The following STK39 variants were observed in gnomAD, a reference collection of about 807,000 sequenced individuals.
STK39 encodes the protein serine/threonine kinase 39.
Under a neutral mutation model 77.8 loss-of-function variants are expected in STK39, and 20 were observed. The observed-to-expected ratio is 0.26, with a 90% confidence interval of 0.18 to 0.37. The LOEUF (loss-of-function observed/expected upper bound fraction) is 0.37, where lower values mean the gene tolerates loss of function less well. STK39 is among the 10% of genes least tolerant of loss of function. The pLI, the probability that STK39 is intolerant of heterozygous loss-of-function variation, is 1.00. For missense variants in STK39, 479 were observed against 656.5 expected (o/e 0.73, Z 2.95); for synonymous variants, 246 against 234.1 (o/e 1.05, Z -0.47).
chr2:168,212,303 A>T (rs556462986), intron 1 of STK39, among the ~76,000 whole-genome samples: 89 of 152,298 alleles, frequency 5.8e-4, no homozygotes, highest in African/African-American at 1.8e-3. Flanking sequence ...TGTTCTTGAG[A>T]ATGTTTCCTC....
intron 14 of STK39, among the ~76,000 whole-genome samples, chr2:168,030,276 A>T (rs1684804757): frequency 6.6e-6 from 1 of 152,124 alleles, no homozygotes; most frequent in Non-Finnish European, 1.5e-5. Flanking sequence ...TTGTTGCTTC[A>T]GAATAGGGAA....
chr2:168,006,023 A>T (rs955267858), intron 16 of STK39, among the ~76,000 whole-genome samples: 9 of 152,192 alleles, frequency 5.9e-5, no homozygotes, highest in African/African-American at 1.9e-4. Context: ...GAATGCAGGC[A>T]CCCAGCTCCC....
chr2:168,065,305 G>A lies in STK39; in HGVS notation c.1305+14C>T. ...CAAAGCACCTCAAACGGAATGACTGGCAGAGAAACATACCTGAGAGTCGTG... is the reference window on the plus strand; with the variant it reads ...CAAAGCACCTCAAACGGAATGACTGACAGAGAAACATACCTGAGAGTCGTG... On this transcript the variant is annotated intron_variant, in intron 13 of 17. Transcript: ENST00000355999. The A allele has an allele frequency of 1.2e-6, 2 of 1,613,642 alleles. No individual in the cohort carries two copies. Among genetic ancestry groups the A allele is most frequent in the Non-Finnish European group, 8.5e-7 (1 of 1,179,598 alleles).
chr2:168,154,041 C>T (rs1285327616), intron 5 of STK39, among the ~76,000 whole-genome samples: 2 of 152,140 alleles, frequency 1.3e-5, no homozygotes, highest in African/African-American at 2.4e-5. Context: ...CATAATAATC[C>T]AAACAAGAAC....
chr2:168,121,501 G>A (rs757773259), intron 10 of STK39, among the ~76,000 whole-genome samples: 25 of 152,150 alleles, frequency 1.6e-4, no homozygotes, highest in Non-Finnish European at 1.5e-4. Flanking sequence ...TTGATGGATC[G>A]GAAAAGAAAA....
chr2:168,009,789 G>C (rs560337601), intron 16 of STK39, among the ~76,000 whole-genome samples: 17 of 152,000 alleles, frequency 1.1e-4, no homozygotes, highest in Non-Finnish European at 2.5e-4. Flanking sequence ...CCAAGAAGGG[G>C]AAAAAAGGCA....
intron 5 of STK39, among the ~76,000 whole-genome samples, chr2:168,157,305 G>T (rs1405796410): frequency 2.6e-5 from 4 of 152,214 alleles, no homozygotes; most frequent in African/African-American, 4.8e-5. Context: ...ATGCACATAC[G>T]TGAGGCATTT....
At chr2:168,107,164 C>T (rs1048404807) in intron 10 of STK39, among the ~76,000 whole-genome samples, 1 of 152,166 alleles carries the variant, frequency 6.6e-6, no homozygotes, top group African/African-American at 2.4e-5. Context: ...GCTATTAAAT[C>T]GAAAGTCAGA....
chr2:168,149,624 G>T (rs1417023361), intron 5 of STK39, among the ~76,000 whole-genome samples: 1 of 152,184 alleles, frequency 6.6e-6, no homozygotes, highest in African/African-American at 2.4e-5. Flanking sequence ...CACACTTCCT[G>T]ACTGCTAAGG....
intron 5 of STK39, among the ~76,000 whole-genome samples, chr2:168,146,510 GCAATAGGAGCCC>G (rs1688144787): frequency 2.6e-5 from 4 of 152,196 alleles, no homozygotes; most frequent in Admixed American, 2.0e-4. Context: ...GGAGTCTGGA[GCAATAGGAGCCC>G]CCATAGCTTC....
At chr2:168,160,341 A>G (rs1688536850) in intron 5 of STK39, among the ~76,000 whole-genome samples, 1 of 152,226 alleles carries the variant, frequency 6.6e-6, no homozygotes, top group African/African-American at 2.4e-5. Context: ...CCTTTTGATA[A>G]GTCATAAACT....
intron 14 of STK39, among the ~76,000 whole-genome samples, chr2:168,041,019 G>A (rs1445995365): frequency 1.3e-5 from 2 of 152,130 alleles, no homozygotes; most frequent in South Asian, 2.1e-4. Flanking sequence ...GGCACTGTGC[G>A]AGGCATGGAA....
At chr2:168,219,455 GAGA>G (rs1690109633) in intron 1 of STK39, among the ~76,000 whole-genome samples, 1 of 152,104 alleles carries the variant, frequency 6.6e-6, no homozygotes, top group African/African-American at 2.4e-5. Flanking sequence ...CTTCCTCAGG[GAGA>G]AGGAGGCTTT....
rs144488406 is a variant in STK39, at chr2:168,036,542, A to T, written c.1377-19447T>A. On this transcript the variant is annotated intron_variant, in intron 14 of 17. Transcript: ENST00000355999. ...CTTACTGTTTTTGGGTAAGATTAAA[A>T]ATGTTTATCCATATAATTAGACAAT... Among the ~76,000 whole-genome samples, 556 of 152,332 alleles carry T rather than the reference A, an allele frequency of 3.6e-3. 1 individual carries two copies. Among genetic ancestry groups the T allele is most frequent in the Non-Finnish European group, 6.4e-3 (438 of 68,026 alleles).
chr2:168,037,735 C>T (rs187867975), intron 14 of STK39, among the ~76,000 whole-genome samples: 2 of 152,142 alleles, frequency 1.3e-5, no homozygotes, highest in East Asian at 1.9e-4. Flanking sequence ...AAAATATATG[C>T]AAAGTAAAAG....
At chr2:168,052,142 G>A (rs1260358774) in intron 14 of STK39, among the ~76,000 whole-genome samples, 1 of 152,162 alleles carries the variant, frequency 6.6e-6, no homozygotes, top group Admixed American at 6.5e-5. Flanking sequence ...CCAAGCCACA[G>A]TAACACAGCT....
At chr2:167,986,341 C>T (rs2105275397) in intron 16 of STK39, among the ~76,000 whole-genome samples, 1 of 152,236 alleles carries the variant, frequency 6.6e-6, no homozygotes, top group South Asian at 2.1e-4. Context: ...AAATTTTGAT[C>T]CAAAGCAATC....
At chr2:168,242,561 ATATATATAT>A (rs371926982) in intron 1 of STK39, among the ~76,000 whole-genome samples, 4,408 of 68,214 alleles carry the variant, frequency 0.065, 884 homozygotes, top group East Asian at 0.12. Flanking sequence ...AAAAAAAAAA[ATATATATAT>A]ATATATATAT....
At chr2:168,117,969 C>T (rs1687301761) in intron 10 of STK39, among the ~76,000 whole-genome samples, 1 of 152,036 alleles carries the variant, frequency 6.6e-6, no homozygotes, top group South Asian at 2.1e-4. Context: ...CATTTACTGA[C>T]AATATTTTAT....
Sources: gnomAD v4.1 joint callset for allele counts (sites outside exome capture counted in the v4.1 genomes callset) on GRCh38, gnomAD v4.1.1 for gene constraint, MANE v1.5 for transcripts, NCBI Gene and HGNC (gene_info 2026-07-23, HGNC 2026-07-21) for gene names.